Variants in DAB1 observed in about 807,000 individuals in gnomAD.
DAB1 encodes disabled homolog 1.
In DAB1, 15 loss-of-function variants were observed where a neutral mutation model predicts 64.6. The observed-to-expected ratio is 0.23, with a 90% confidence interval of 0.16 to 0.36. The LOEUF (loss-of-function observed/expected upper bound fraction) is 0.36, where lower values mean the gene tolerates loss of function less well. Among genes scored for constraint, DAB1 ranks in the 10% least tolerant of loss-of-function variants. The pLI is 1.00. For synonymous variants in DAB1, 235 were observed against 251.9 expected (o/e 0.93, Z 0.64); for missense variants, 596 against 706.7 (o/e 0.84, Z 1.78).
intron 5 of DAB1, among the ~76,000 whole-genome samples, chr1:58,089,430 G>C (rs1557645354): frequency 6.6e-6 from 1 of 152,204 alleles, no homozygotes; most frequent in Non-Finnish European, 1.5e-5. Context: ...CAAAGATTAA[G>C]GTTTTATGTT....
intron 3 of DAB1, among the ~76,000 whole-genome samples, chr1:58,493,793 C>T (rs1468352308): frequency 1.3e-5 from 2 of 152,026 alleles, no homozygotes; most frequent in Non-Finnish European, 2.9e-5. Flanking sequence ...GAAGAACATT[C>T]CATGCTCATG....
chr1:57,424,656 G>A (rs866002684), upstream of DAB1, among the ~76,000 whole-genome samples: 5 of 152,202 alleles, frequency 3.3e-5, no homozygotes, highest in Admixed American at 2.0e-4. Flanking sequence ...GAAACCACGA[G>A]GGGAGTCTCC....
At chr1:58,411,470 A>G (rs1284559006) in intron 3 of DAB1, among the ~76,000 whole-genome samples, 1 of 152,220 alleles carries the variant, frequency 6.6e-6, no homozygotes. Context: ...CAATGAAGTA[A>G]GTGTACAGAA....
At chr1:57,575,935 A>C (rs373217896) in intron 7 of DAB1, among the ~76,000 whole-genome samples, 42 of 152,260 alleles carry the variant, frequency 2.8e-4, no homozygotes, top group African/African-American at 8.7e-4. Flanking sequence ...TTCACCCCCC[A>C]AAAAATATGT....
intron 3 of DAB1, among the ~76,000 whole-genome samples, chr1:58,391,500 G>A (rs1644475692): frequency 6.6e-6 from 1 of 152,218 alleles, no homozygotes; most frequent in African/African-American, 2.4e-5. Context: ...AAGGGGTAAA[G>A]CCAGGACTTG....
chr1:58,372,244 C>A (rs1394130098), intron 3 of DAB1, among the ~76,000 whole-genome samples: 2 of 152,210 alleles, frequency 1.3e-5, no homozygotes, highest in South Asian at 2.1e-4. Context: ...TCAGCATTTC[C>A]TGGATGTGAC....
chr1:57,418,099 C>T (rs1368663858), intron 1 of DAB1, among the ~76,000 whole-genome samples: 1 of 152,174 alleles, frequency 6.6e-6, no homozygotes, highest in African/African-American at 2.4e-5. Context: ...TGTGCAATTG[C>T]ATCTTGGTAC....
intron 1 of DAB1, chr1:57,862,367 G>C (rs1447002079): frequency 6.6e-6 from 1 of 152,138 alleles, no homozygotes; most frequent in Non-Finnish European, 1.5e-5. Flanking sequence ...GCTTGGCTAT[G>C]AAGTATTTAA....
At chr1:58,282,330 A>T (rs1469586564) in intron 4 of DAB1, among the ~76,000 whole-genome samples, 1 of 152,120 alleles carries the variant, frequency 6.6e-6, no homozygotes, top group Non-Finnish European at 1.5e-5. Context: ...AAGGGCAAGG[A>T]CCAAGTATGT....
chr1:57,268,471 C>T (rs1670749930), intron 2 of DAB1, among the ~76,000 whole-genome samples: 1 of 152,168 alleles, frequency 6.6e-6, no homozygotes, highest in Non-Finnish European at 1.5e-5. Flanking sequence ...CAGAATGATA[C>T]TGGCAGTCTC....
intron 4 of DAB1, among the ~76,000 whole-genome samples, chr1:58,175,019 G>A (rs1656389231): frequency 6.6e-6 from 1 of 152,214 alleles, no homozygotes; most frequent in Non-Finnish European, 1.5e-5. Context: ...GCCAAATAAG[G>A]GAATAAAAGC....
At chr1:57,228,699 A>G (rs958581532) in intron 2 of DAB1, among the ~76,000 whole-genome samples, 1 of 152,224 alleles carries the variant, frequency 6.6e-6, no homozygotes, top group Non-Finnish European at 1.5e-5. Context: ...GAAGATGCAT[A>G]TACATAGTAA....
At chr1:57,457,150 A>C (rs979123390) in intron 7 of DAB1, among the ~76,000 whole-genome samples, 1 of 152,148 alleles carries the variant, frequency 6.6e-6, no homozygotes, top group African/African-American at 2.4e-5. Context: ...TCTACACTTC[A>C]TCTTATCAGA....
chr1:57,146,451 A>G (rs1350713719), intron 2 of DAB1, among the ~76,000 whole-genome samples: 1 of 152,310 alleles, frequency 6.6e-6, no homozygotes, highest in African/African-American at 2.4e-5. Flanking sequence ...CTCCTTCATC[A>G]TGCTTACTTC....
chr1:57,454,664 T>A (rs59252256), intron 7 of DAB1, among the ~76,000 whole-genome samples: 26,399 of 151,826 alleles, frequency 0.17, 2,283 homozygotes, highest in East Asian at 0.21. Context: ...AAATTTTTTT[T>A]AAAAAGTGGA....
At chr1:57,553,633 T>TAG (rs1644953533) in intron 7 of DAB1, among the ~76,000 whole-genome samples, 2 of 151,706 alleles carry the variant, frequency 1.3e-5, no homozygotes, top group South Asian at 4.2e-4. Context: ...ATCACACCAC[T>TAG]GCACTCTAGC....
At chr1:57,441,026 C>T (rs969633834) in intron 7 of DAB1, among the ~76,000 whole-genome samples, 2 of 152,046 alleles carry the variant, frequency 1.3e-5, no homozygotes, top group African/African-American at 4.8e-5. Flanking sequence ...CCCTCCTAGC[C>T]TCCTTCCTCT....
chr1:58,058,840 C>G (rs1648311397), intron 5 of DAB1, among the ~76,000 whole-genome samples: 1 of 152,230 alleles, frequency 6.6e-6, no homozygotes, highest in Admixed American at 6.5e-5. Flanking sequence ...ATTCATTGAA[C>G]TATCTTGCAT....
At chr1:57,121,089 T>C (rs1656597282) in intron 4 of DAB1, among the ~76,000 whole-genome samples, 2 of 146,996 alleles carry the variant, frequency 1.4e-5, no homozygotes, top group African/African-American at 5.1e-5. Context: ...AAGAATGTCC[T>C]AAGCAGAAAA....
Sources: allele counts gnomAD v4.1 joint callset (sites outside exome capture counted in the v4.1 genomes callset), GRCh38; gene constraint gnomAD v4.1.1; transcripts MANE v1.5; gene names NCBI Gene and HGNC (gene_info 2026-07-23, HGNC 2026-07-21).